The following RRP15 variants were observed in gnomAD, a reference collection of about 807,000 sequenced individuals.
RRP15 encodes ribosomal RNA processing 15 homolog.
A neutral mutation model predicts 27.1 loss-of-function variants in RRP15; 18 were observed. The observed-to-expected ratio is 0.66, with a 90% CI of 0.46 to 0.98. RRP15 has a LOEUF of 0.98. RRP15 is among the 50% of genes least tolerant of loss of function. The pLI is 0.00. For missense variants in RRP15, 359 were observed against 337.8 expected, an observed-to-expected ratio of 1.06 and a Z score of -0.49; for synonymous variants, 107 against 109.4, an observed-to-expected ratio of 0.98 and a Z score of 0.14.
chr1:218,328,706 C>T (rs1053735652), intron 4 of RRP15, among the ~76,000 whole-genome samples: 6 of 151,844 alleles, frequency 4.0e-5, no homozygotes, highest in African/African-American at 7.3e-5. Context: ...TTTTCTTCTT[C>T]GTTCTTCTGT....
Position 218,292,496 on chromosome 1 carries a change from G to A in RRP15, c.139+7041G>A, listed in dbSNP as rs775097001. 6.8e-4 allele frequency among the ~76,000 whole-genome samples: 103 copies of A among 152,232 alleles called. 1 individual carries two copies. Among genetic ancestry groups the A allele is most frequent in the South Asian group, 1.7e-3 (8 of 4,834 alleles). On this transcript the variant is annotated intron_variant, in intron 1 of 4. Transcript: ENST00000366932. ...ACAATGAGAAAGTTAAAACAAGGCA[G>A]AGTGTCTCCTTCAGCCTCAGCTAGG...
At chr1:218,302,916 CT>C (rs202114602) in intron 2 of RRP15, among the ~76,000 whole-genome samples, 11,738 of 145,790 alleles carry the variant, frequency 0.081, 758 homozygotes, top group African/African-American at 0.19. Context: ...ATGTTAGTTA[CT>C]TTTTTTTTTT....
At chr1:218,291,625 A>G (rs368726630) in intron 1 of RRP15, among the ~76,000 whole-genome samples, 2 of 134,352 alleles carry the variant, frequency 1.5e-5, no homozygotes, top group African/African-American at 5.8e-5. Flanking sequence ...TCCGCCTCCC[A>G]GGTTCAAGCA....
intron 1 of RRP15, among the ~76,000 whole-genome samples, chr1:218,298,191 T>G (rs1427000642): frequency 6.6e-6 from 1 of 152,150 alleles, no homozygotes; most frequent in East Asian, 1.9e-4. Context: ...TCAACTGGCT[T>G]GGGTTATGGA....
chr1:218,295,398 C>T (rs1655703980), intron 1 of RRP15, among the ~76,000 whole-genome samples: 1 of 152,136 alleles, frequency 6.6e-6, no homozygotes, highest in South Asian at 2.1e-4. Flanking sequence ...CTGATTGACT[C>T]CTCCCTCATA....
At chr1:218,328,383 C>T (rs1271312025) in intron 4 of RRP15, among the ~76,000 whole-genome samples, 1 of 152,114 alleles carries the variant, frequency 6.6e-6, no homozygotes, top group Non-Finnish European at 1.5e-5. Flanking sequence ...GTTTTGTGGG[C>T]TGGGCACGGT....
At chr1:218,291,981 G>A (rs1477354749) in intron 1 of RRP15, among the ~76,000 whole-genome samples, 1 of 152,128 alleles carries the variant, frequency 6.6e-6, no homozygotes, top group East Asian at 1.9e-4. Flanking sequence ...AGGACCACAA[G>A]TGCGTGCCAT....
intron 1 of RRP15, among the ~76,000 whole-genome samples, chr1:218,286,236 A>G (rs1473614813): frequency 1.3e-5 from 2 of 152,180 alleles, no homozygotes; most frequent in Admixed American, 1.3e-4. Flanking sequence ...TCATCTCAGT[A>G]TATAATATCC....
Position 218,333,923 on chromosome 1 carries a change from G to A in RRP15, c.*2832G>A, listed in dbSNP as rs1273216854. On this transcript the variant is annotated 3_prime_UTR_variant, in exon 5 of 5. Transcript: ENST00000366932. ...ATAATATAGTAGGTTACTTATCTTC[G>A]GTTAGAAAGAACTATGGAAAATAGG... 6.6e-6 allele frequency: 1 copy of A among 151,890 alleles called. No homozygotes were observed. 9.4% of individuals were successfully genotyped at this position (151,890 alleles called of 1,614,324 possible).
intron 1 of RRP15, among the ~76,000 whole-genome samples, chr1:218,296,511 T>G (rs1655721308): frequency 6.6e-6 from 1 of 151,798 alleles, no homozygotes; most frequent in Admixed American, 6.6e-5. Flanking sequence ...CTCAGCGTGG[T>G]GGTGTGTGCC....
At chr1:218,303,340 CAT>C (rs1210017254) in intron 2 of RRP15, among the ~76,000 whole-genome samples, 3 of 152,150 alleles carry the variant, frequency 2.0e-5, no homozygotes, top group African/African-American at 4.8e-5. Flanking sequence ...TTTGAACTGA[CAT>C]ATATTTCCTT....
At chr1:218,325,536 G>T (rs1017621833) in intron 4 of RRP15, among the ~76,000 whole-genome samples, 1 of 152,122 alleles carries the variant, frequency 6.6e-6, no homozygotes, top group African/African-American at 2.4e-5. Context: ...GAAAGTATTT[G>T]TCTATTGCTT....
At position 218,332,961 on chromosome 1, in the gene RRP15, T is replaced by C. The variant is rs1330425643; in HGVS notation, c.*1870T>C. 1.3e-5 allele frequency: 2 copies of C among 152,128 alleles called. No homozygotes were observed. Among genetic ancestry groups the C allele is most frequent in the Non-Finnish European group, 2.9e-5 (2 of 68,000 alleles). The allele number at this position is 152,128 out of a possible 1,614,324, so 9.4% of individuals were successfully genotyped here. A position where few individuals can be genotyped will look rare whatever the true frequency, so the allele number is the denominator to read the frequency against. ...TTTAATTTAATGTGTTTCTGCGTTA[T>C]ACTAGAGTTTTGCAGGAATTTTTCT... On this transcript the variant is annotated 3_prime_UTR_variant, in exon 5 of 5. Coordinates refer to ENST00000366932, the MANE Select transcript of RRP15 (RefSeq NM_016052.4).
chr1:218,317,335 C>G (rs767410839), intron 4 of RRP15, among the ~76,000 whole-genome samples: 1 of 152,212 alleles, frequency 6.6e-6, no homozygotes, highest in African/African-American at 2.4e-5. Flanking sequence ...TCTTCCTTCT[C>G]TCACCCAGAT....
rs1656465523 is a variant in RRP15 at position 218,337,393 on chromosome 1, T to C, written c.*6302T>C. The C allele has an allele frequency of 6.6e-6, 1 of 152,168 alleles. No individual in the cohort carries two copies. Among genetic ancestry groups the C allele is most frequent in the African/African-American group, 2.4e-5 (1 of 41,426 alleles). The allele number at this position is 152,168 out of a possible 1,614,324, so 9.4% of individuals were successfully genotyped here. On this transcript the variant is annotated 3_prime_UTR_variant, in exon 5 of 5. Coordinates refer to ENST00000366932, the MANE Select transcript of RRP15 (RefSeq NM_016052.4). ...ATGACAGAAAATGCTGTGTGAACAG[T>C]ATTATATAGAATTGTTTTTAATAGC...
chr1:218,292,118 G>C (rs1158870655), intron 1 of RRP15, among the ~76,000 whole-genome samples: 1 of 152,184 alleles, frequency 6.6e-6, no homozygotes. Context: ...TTACAGGCAT[G>C]AGCCACTGCA....
intron 1 of RRP15, 25 bp downstream of exon 1, chr1:218,285,480 G>C (rs758603503): frequency 9.3e-6 from 15 of 1,612,862 alleles, no homozygotes; most frequent in Non-Finnish European, 1.3e-5. Context: ...CTGAGCTTTG[G>C]TGTCTGGGAG....
Position 218,329,824 on chromosome 1 carries a change from A to ATT in RRP15, c.706-1112_706-1111dup, listed in dbSNP as rs879374817. On this transcript the variant is annotated intron_variant, in intron 4 of 4. Transcript: ENST00000366932. ...TCCTATTTGCTTGTAATAGTGGTCA[A>ATT]TTTTTTTTTTTTTAAATGGAATGAA... 2.7e-5 allele frequency among the ~76,000 whole-genome samples: 4 copies of ATT among 146,226 alleles called. No homozygotes were observed. The East Asian group carries it at 7.9e-4, about 29-fold the overall frequency.
rs1382375979 is a variant in RRP15, at chr1:218,336,575, T to C, written c.*5484T>C. 1.3e-5 allele frequency: 2 copies of C among 152,540 alleles called. No homozygotes were observed. The highest frequency in any genetic ancestry group is 4.8e-5 in the African/African-American group (2 of 41,392). The allele number at this position is 152,540 out of a possible 1,614,324, so 9.4% of individuals were successfully genotyped here. ...CATTTGCAGAACCAGACTTCAATCT[T>C]AGGTAAAAATGTATCCCTCCCATGG... On this transcript the variant is annotated 3_prime_UTR_variant, in exon 5 of 5. Coordinates refer to ENST00000366932, the MANE Select transcript of RRP15 (RefSeq NM_016052.4).
Sources: gnomAD v4.1 joint callset for allele counts (sites outside exome capture counted in the v4.1 genomes callset) on GRCh38, gnomAD v4.1.1 for gene constraint, MANE v1.5 for transcripts, NCBI Gene and HGNC (gene_info 2026-07-23, HGNC 2026-07-21) for gene names.